Variants in COG5 observed in about 807,000 individuals in gnomAD.
The protein encoded by COG5 is conserved oligomeric Golgi complex subunit 5.
In COG5, 86 loss-of-function variants were observed where a neutral mutation model predicts 110.4. The observed-to-expected ratio is 0.78, with a 90% CI of 0.65 to 0.93. The LOEUF is 0.93. Ranked by LOEUF, COG5 falls within the 40% of genes least tolerant of loss-of-function variation. COG5 has a pLI of 0.00. For synonymous variants in COG5, 360 were observed against 334.6 expected (o/e 1.08, Z -0.83); for missense variants, 1,077 against 987.0 (o/e 1.09, Z -1.22).
intron 7 of COG5, among the ~76,000 whole-genome samples, chr7:107,396,874 GA>G (rs929178377): frequency 2.3e-4 from 35 of 151,890 alleles, no homozygotes; most frequent in African/African-American, 7.7e-4. Flanking sequence ...AATTTTATAG[GA>G]AAATGGAATA....
intron 10 of COG5, among the ~76,000 whole-genome samples, chr7:107,355,876 A>G (rs186830634): frequency 3.9e-5 from 6 of 152,376 alleles, no homozygotes; most frequent in Admixed American, 3.9e-4. Context: ...ATACATTTGC[A>G]TAAAGCATTG....
intron 10 of COG5, among the ~76,000 whole-genome samples, chr7:107,325,175 TA>T (rs1809656677): frequency 6.6e-6 from 1 of 152,082 alleles, no homozygotes; most frequent in South Asian, 2.1e-4. Flanking sequence ...AAAAGACAAA[TA>T]TTAATTAAAG....
At chr7:107,238,370 CATTTTCTTTATCCATTTATCAATCTAA>C (rs1230603085) in intron 17 of COG5, among the ~76,000 whole-genome samples, 1 of 152,178 alleles carries the variant, frequency 6.6e-6, no homozygotes, top group Non-Finnish European at 1.5e-5. Context: ...ATGTATACCA[CATTTTCTTTATCCATTTATCAATCTAA>C]ATGTTGGTGG....
rs191547300 is a variant in COG5 at position 107,434,781 on chromosome 7, T to C, written c.539-22149A>G. Among the ~76,000 whole-genome samples, 204 of 152,048 alleles carry C rather than the reference T, an allele frequency of 1.3e-3. 3 individuals are homozygous for C. Among genetic ancestry groups the C allele is most frequent in the Admixed American group, 8.3e-3 (126 of 15,260 alleles). The stretch of plus-strand genomic sequence containing the variant: ...GTCAGGAGATCAAGACCATCCTGGC[T>C]AACACAGTGAAACCCTGTCTCTACT... On this transcript the variant is annotated intron_variant, in intron 6 of 21. Transcript: ENST00000297135.
chr7:107,282,552 C>T lies in COG5; in HGVS notation c.1475+1019G>A, dbSNP rs183281502. The stretch of plus-strand genomic sequence containing the variant: ...ATTTTTATTTTTTGAGACAGGGTTT[C>T]GCTCTGTCAGCCAGGCTGGAGTGCA... On this transcript the variant is annotated intron_variant, in intron 13 of 21. Transcript: ENST00000297135. 6.2e-4 allele frequency among the ~76,000 whole-genome samples: 94 copies of T among 152,180 alleles called. 4 individuals carry two copies. The East Asian group carries it at 0.014, about 22-fold the overall frequency.
At chr7:107,467,457 A>G (rs922934063) in intron 6 of COG5, among the ~76,000 whole-genome samples, 3 of 152,104 alleles carry the variant, frequency 2.0e-5, no homozygotes, top group Admixed American at 1.3e-4. Flanking sequence ...CCCAGGTTCA[A>G]GCGATTCTCA....
intron 14 of COG5, among the ~76,000 whole-genome samples, chr7:107,271,516 C>G (rs568168950): frequency 6.6e-6 from 1 of 151,880 alleles, no homozygotes; most frequent in Admixed American, 6.6e-5. Context: ...CCAAATTATT[C>G]CTAGAATTTG....
intron 13 of COG5, among the ~76,000 whole-genome samples, 178 bp downstream of exon 13, chr7:107,283,393 T>C (rs577519516): frequency 6.6e-6 from 1 of 152,312 alleles, no homozygotes; most frequent in Non-Finnish European, 1.5e-5. Flanking sequence ...AAATTATTTA[T>C]TAATTGGAAT....
At chr7:107,505,404 T>C (rs1429939951) in intron 6 of COG5, among the ~76,000 whole-genome samples, 4 of 152,162 alleles carry the variant, frequency 2.6e-5, no homozygotes, top group Admixed American at 6.5e-5. Context: ...TGCAGGAATG[T>C]TGATGTTTCA....
At chr7:107,528,287 C>A (rs528065388) in intron 5 of COG5, among the ~76,000 whole-genome samples, 1 of 151,978 alleles carries the variant, frequency 6.6e-6, no homozygotes, top group African/African-American at 2.4e-5. Flanking sequence ...TGAGGTTTTG[C>A]CATGTTGCCC....
intron 7 of COG5, among the ~76,000 whole-genome samples, chr7:107,385,778 A>C (rs1790140367): frequency 6.6e-6 from 1 of 151,920 alleles, no homozygotes. Context: ...CCAATTTCTC[A>C]ACATCCTTGC....
chr7:107,260,073 G>A (rs946843305), intron 14 of COG5, among the ~76,000 whole-genome samples: 1 of 102,530 alleles, frequency 9.8e-6, no homozygotes, highest in Non-Finnish European at 2.5e-5. Flanking sequence ...TCAACTCCTA[G>A]TGATATATAT....
chr7:107,477,857 T>C (rs923615486), intron 6 of COG5, among the ~76,000 whole-genome samples: 3 of 151,920 alleles, frequency 2.0e-5, no homozygotes, highest in Non-Finnish European at 4.4e-5. Context: ...ATTTCTATTT[T>C]CTTTACGTTG....
chr7:107,427,108 G>A (rs1429644869), intron 6 of COG5, among the ~76,000 whole-genome samples: 1 of 152,094 alleles, frequency 6.6e-6, no homozygotes, highest in Non-Finnish European at 1.5e-5. Flanking sequence ...AATTCCTCTG[G>A]TCTTGTTCAT....
In COG5 at chr7:107,321,834, T is replaced by C. The variant is rs533310409; in HGVS notation, c.1108+2606A>G. ...CAATAATTTTTAGGTCAAAAAAAAGTACAAATTATTTAAAACTTTGATAAA... is the reference window on the plus strand; with the variant it reads ...CAATAATTTTTAGGTCAAAAAAAAGCACAAATTATTTAAAACTTTGATAAA... On this transcript the variant is annotated intron_variant, in intron 11 of 21. Coordinates refer to ENST00000297135, the MANE Select transcript of COG5 (RefSeq NM_006348.5). Among the ~76,000 whole-genome samples the C allele has an allele frequency of 2.6e-5, 4 of 152,304 alleles. 1 individual carries two copies. In the East Asian group the frequency reaches 7.7e-4, roughly 29 times the overall value.
chr7:107,211,266 C>T (rs1206441142), intron 19 of COG5, 41 bp from the exon 20 acceptor site: 2 of 1,602,536 alleles, frequency 1.2e-6, no homozygotes, highest in Non-Finnish European at 8.5e-7. Context: ...CTGTTCAATA[C>T]TGAAATAGGT....
intron 14 of COG5, among the ~76,000 whole-genome samples, chr7:107,266,357 A>G (rs1803802670): frequency 1.3e-5 from 2 of 152,200 alleles, no homozygotes; most frequent in Non-Finnish European, 2.9e-5. Flanking sequence ...TACACAGAAC[A>G]TGTACCTGAA....
intron 11 of COG5, among the ~76,000 whole-genome samples, chr7:107,324,074 A>G (rs1027228488): frequency 1.3e-5 from 2 of 152,196 alleles, no homozygotes; most frequent in African/African-American, 4.8e-5. Context: ...CTGTATTTTT[A>G]TATCTTTTAG....
intron 6 of COG5, among the ~76,000 whole-genome samples, chr7:107,424,181 A>G (rs186802847): frequency 0.016 from 2,388 of 151,992 alleles, 59 homozygotes; most frequent in African/African-American, 0.055. Flanking sequence ...GCTGAGGCAC[A>G]AGAATCACTT....
Sources: gnomAD v4.1 joint callset for allele counts (sites outside exome capture counted in the v4.1 genomes callset) on GRCh38, gnomAD v4.1.1 for gene constraint, MANE v1.5 for transcripts, NCBI Gene and HGNC (gene_info 2026-07-23, HGNC 2026-07-21) for gene names.